CHRM5: variants seen among roughly 807,000 people sequenced by gnomAD.
CHRM5 encodes the protein muscarinic acetylcholine receptor M5.
In CHRM5, 18 loss-of-function variants were observed where a neutral mutation model predicts 39.0. The observed-to-expected ratio is 0.46, with a 90% CI of 0.32 to 0.68. CHRM5 has a LOEUF of 0.68. CHRM5 is among the 30% of genes least tolerant of loss of function. The pLI, the probability that CHRM5 is intolerant of heterozygous loss-of-function variation, is 0.04. For synonymous variants in CHRM5, 241 were observed against 246.3 expected (o/e 0.98, Z 0.20); for missense variants, 515 against 651.1 (o/e 0.79, Z 2.28).
At chr15:34,054,384 T>A (rs1252614071) in intron 2 of CHRM5, among the ~76,000 whole-genome samples, 2 of 152,186 alleles carry the variant, frequency 1.3e-5, no homozygotes, top group Non-Finnish European at 2.9e-5. Context: ...CATGTGTATG[T>A]TCACTGCAGC....
At chr15:33,970,008 TG>T (rs1386944188) in intron 1 of CHRM5, among the ~76,000 whole-genome samples, 1 of 152,044 alleles carries the variant, frequency 6.6e-6, no homozygotes, top group Non-Finnish European at 1.5e-5. Flanking sequence ...TTGGTTTTCA[TG>T]AGTTTCATTG....
chr15:34,051,978 C>T (rs574138269), intron 2 of CHRM5, among the ~76,000 whole-genome samples: 1 of 152,262 alleles, frequency 6.6e-6, no homozygotes, highest in Admixed American at 6.5e-5. Context: ...AGGAGGGACT[C>T]CTCCCTGACT....
chr15:34,009,932 A>C (rs1268407662), intron 1 of CHRM5, among the ~76,000 whole-genome samples: 1 of 152,236 alleles, frequency 6.6e-6, no homozygotes, highest in African/African-American at 2.4e-5. Flanking sequence ...ACTGTACTCC[A>C]GCCTGGGCAA....
chr15:34,006,197 G>A (rs1380403570), intron 1 of CHRM5, among the ~76,000 whole-genome samples: 1 of 152,060 alleles, frequency 6.6e-6, no homozygotes, highest in Non-Finnish European at 1.5e-5. Flanking sequence ...TGTAGTCCCA[G>A]CTACTCAGGA....
chr15:33,981,839 G>GT (rs1468495741), intron 1 of CHRM5, among the ~76,000 whole-genome samples: 2 of 151,832 alleles, frequency 1.3e-5, no homozygotes, highest in African/African-American at 4.8e-5. Flanking sequence ...AACAAGTTTT[G>GT]TTTTTTTGTT....
chr15:33,983,215 C>CATATATATATAT (rs148035145), intron 1 of CHRM5, among the ~76,000 whole-genome samples: 1 of 111,784 alleles, frequency 8.9e-6, no homozygotes, highest in African/African-American at 4.1e-5. Context: ...TATATATATA[C>CATATATATATAT]ATATATATAC....
rs1899702154 is a variant in CHRM5 at position 34,046,803 on chromosome 15, G to A, written c.-144G>A. On this transcript the variant is annotated 5_prime_UTR_variant, in exon 2 of 3. Transcript: ENST00000383263. ...ACCCACAGAAAACAAAGAAAAGCAG[G>A]GTGGGGTGACGGCCCACCTGGGAGC... The A allele has an allele frequency of 6.6e-6, 1 of 152,438 alleles. No homozygotes were observed. Among genetic ancestry groups the A allele is most frequent in the South Asian group, 2.1e-4 (1 of 4,836 alleles). 9.4% of individuals were successfully genotyped at this position (152,438 alleles called of 1,614,324 possible). A position where few individuals can be genotyped will look rare whatever the true frequency, so the allele number is the denominator to read the frequency against.
chr15:33,997,920 C>T (rs1567457428), intron 1 of CHRM5, among the ~76,000 whole-genome samples: 1 of 152,086 alleles, frequency 6.6e-6, no homozygotes, highest in Non-Finnish European at 1.5e-5. Context: ...CATGTGGGCC[C>T]CTATTGTCAC....
rs560309192 is a variant in CHRM5 at position 33,968,949 on chromosome 15, T to A, written c.-609T>A. ...TCACCCTTCTGGTTCTATAATCCTA[T>A]CCAAATGGAGTCTTCATCTACCGCA... is the stretch of plus-strand genomic sequence containing the variant. On this transcript the variant is annotated 5_prime_UTR_variant, in exon 1 of 3. Coordinates refer to ENST00000383263, the MANE Select transcript of CHRM5 (RefSeq NM_012125.4). 6 of 152,158 alleles carry A rather than the reference T, an allele frequency of 3.9e-5. No homozygotes were observed. The South Asian group carries it at 1.2e-3, about 32-fold the overall frequency. 9.4% of individuals were successfully genotyped at this position (152,158 alleles called of 1,614,324 possible). A position where few individuals can be genotyped will look rare whatever the true frequency, so the allele number is the denominator to read the frequency against.
chr15:34,050,974 C>T (rs1375849120), intron 2 of CHRM5, among the ~76,000 whole-genome samples: 1 of 152,120 alleles, frequency 6.6e-6, no homozygotes, highest in Non-Finnish European at 1.5e-5. Flanking sequence ...TATTCAGGAC[C>T]TGAACTCAGT....
chr15:34,002,973 T>C, intron 1 of CHRM5: 1 of 1,408,072 alleles, frequency 7.1e-7, no homozygotes, highest in Non-Finnish European at 9.6e-7. Flanking sequence ...AAAACATATA[T>C]AAAATGTCTG....
At chr15:34,016,211 G>A (rs971884699) in intron 1 of CHRM5, among the ~76,000 whole-genome samples, 2 of 152,196 alleles carry the variant, frequency 1.3e-5, no homozygotes, top group African/African-American at 4.8e-5. Flanking sequence ...TCCAGCCTGG[G>A]CAACAAGAGC....
intron 1 of CHRM5, among the ~76,000 whole-genome samples, chr15:34,031,949 A>C (rs1198590226): frequency 6.6e-6 from 1 of 152,060 alleles, no homozygotes; most frequent in Admixed American, 6.6e-5. Context: ...AAAGCTGTTA[A>C]TTATTTCCAT....
intron 1 of CHRM5, among the ~76,000 whole-genome samples, chr15:34,024,276 C>T (rs1269160725): frequency 1.3e-5 from 2 of 152,052 alleles, no homozygotes; most frequent in African/African-American, 4.8e-5. Flanking sequence ...ACATAAGACA[C>T]CATCACTTCA....
At chr15:33,975,287 C>A (rs982049102) in intron 1 of CHRM5, among the ~76,000 whole-genome samples, 3 of 152,176 alleles carry the variant, frequency 2.0e-5, no homozygotes, top group African/African-American at 7.2e-5. Context: ...CATATAGACA[C>A]TGCCAAATAC....
At position 34,062,745 on chromosome 15, in the gene CHRM5, A is replaced by G. The variant is rs1900385678; in HGVS notation, c.28A>G (p.Thr10Ala). The change falls in exon 3 of 3, where the codon ACC becomes GCC. Residue 10 changes from threonine to alanine, a missense_variant. Transcript: ENST00000383263. MEGDSYHNA[T>A]TVNGTPVNHQ... ...GGAAGGGGATTCTTACCACAATGCA[A>G]CCACCGTCAATGGCACCCCAGTAAA... 6.2e-7 allele frequency: 1 copy of G among 1,612,884 alleles called. No individual in the cohort carries two copies. Among genetic ancestry groups the G allele is most frequent in the African/African-American group, 1.3e-5 (1 of 74,886 alleles).
chr15:34,005,360 C>T (rs895431740), intron 1 of CHRM5, among the ~76,000 whole-genome samples: 23 of 152,120 alleles, frequency 1.5e-4, no homozygotes, highest in Admixed American at 1.4e-3. Flanking sequence ...AGCACAGTCC[C>T]TATTTTTACG....
intron 1 of CHRM5, among the ~76,000 whole-genome samples, chr15:33,983,735 G>A (rs1161663031): frequency 6.6e-6 from 1 of 152,084 alleles, no homozygotes; most frequent in East Asian, 1.9e-4. Context: ...TAAATGGAAA[G>A]GGAAAAACAG....
intron 2 of CHRM5, 89 bp from the exon 3 acceptor site, chr15:34,062,554 C>A (rs369490430): frequency 2.0e-3 from 807 of 410,934 alleles, no homozygotes; most frequent in African/African-American, 0.01. Context: ...GATTCTGTCT[C>A]AAAAAAAAAA....
Sources: gnomAD v4.1 joint callset for allele counts (sites outside exome capture counted in the v4.1 genomes callset) on GRCh38, gnomAD v4.1.1 for gene constraint, MANE v1.5 for transcripts, NCBI Gene and HGNC (gene_info 2026-07-23, HGNC 2026-07-21) for gene names.